The following ACOT7 variants were observed in gnomAD, a reference collection of about 807,000 sequenced individuals.
ACOT7 encodes the protein cytosolic acyl coenzyme A thioester hydrolase.
In ACOT7, 12 loss-of-function variants were observed where a neutral mutation model predicts 40.2. That is an observed-to-expected ratio of 0.30 (90% CI 0.19 to 0.48). The LOEUF is 0.48. ACOT7 is among the 20% of genes least tolerant of loss of function. ACOT7 has a pLI of 0.99. For missense variants in ACOT7, 395 were observed against 530.8 expected, an observed-to-expected ratio of 0.74 and a Z score of 2.51; for synonymous variants, 228 against 219.5, an observed-to-expected ratio of 1.04 and a Z score of -0.34.
At chr1:6,271,182 C>T (rs113876955) in intron 8 of ACOT7, among the ~76,000 whole-genome samples, 2,017 of 152,288 alleles carry the variant, frequency 0.013, 44 homozygotes, top group African/African-American at 0.046. Context: ...AAATGTTTTC[C>T]ACTTTGCATT....
At chr1:6,370,149 C>A (rs1474898632) in intron 1 of ACOT7, among the ~76,000 whole-genome samples, 2 of 152,120 alleles carry the variant, frequency 1.3e-5, no homozygotes, top group East Asian at 1.9e-4. Context: ...AGGAGCCTGG[C>A]ACCTCCCTTC....
chr1:6,301,805 G>A lies in ACOT7; in HGVS notation c.713-6825C>T, dbSNP rs7528683. On this transcript the variant is annotated intron_variant, in intron 6 of 8. Transcript: ENST00000361521. This position sits in a 1 kb window ranked among gnomAD's most constrained non-coding sequence, Gnocchi z 4.1. ...CCAAAGCCAGGTGAGCTTGATGACC[G>A]GCCAAAAAACCAAGCCCACACTCAA... 0.087 allele frequency among the ~76,000 whole-genome samples: 13,304 copies of A among 152,160 alleles called. 613 individuals are homozygous for A. Among genetic ancestry groups the A allele is most frequent in the African/African-American group, 0.11 (4,366 of 41,508 alleles).
chr1:6,381,998 C>T (rs1340968706), intron 1 of ACOT7, among the ~76,000 whole-genome samples: 2 of 151,376 alleles, frequency 1.3e-5, no homozygotes, highest in Non-Finnish European at 2.9e-5. Flanking sequence ...ATTAGCTGGG[C>T]GTGATGGTGG....
chr1:6,347,479 C>G (rs1641462498), intron 2 of ACOT7, among the ~76,000 whole-genome samples: 2 of 152,314 alleles, frequency 1.3e-5, no homozygotes, highest in Non-Finnish European at 2.9e-5. Context: ...AAAATAACAA[C>G]AGCAGCTGGG....
intron 5 of ACOT7, among the ~76,000 whole-genome samples, chr1:6,326,714 T>C (rs1640806341): frequency 6.6e-6 from 1 of 151,926 alleles, no homozygotes; most frequent in South Asian, 2.1e-4. Flanking sequence ...TCACTTGAGG[T>C]CAGGAGTTAG....
At chr1:6,350,642 G>A (rs1390235986) in intron 1 of ACOT7, among the ~76,000 whole-genome samples, 2 of 152,258 alleles carry the variant, frequency 1.3e-5, no homozygotes, top group East Asian at 1.9e-4. Context: ...GATGAAAGCC[G>A]CCTTCACAGG....
Position 6,333,473 on chromosome 1 carries a change from T to C in ACOT7, c.510+4A>G, listed in dbSNP as rs774769836. 6 of 1,614,136 alleles carry C rather than the reference T, an allele frequency of 3.7e-6. No individual in the cohort carries two copies. Among genetic ancestry groups the C allele is most frequent in the Non-Finnish European group, 5.1e-6 (6 of 1,179,994 alleles). The stretch of plus-strand genomic sequence containing the variant: ...CCAAGAGAGAAGTAGAAAGGGCACC[T>C]TACCACAACAGGAGGCACCTCGAGG... On this transcript the variant is annotated splice_donor_region_variant and intron_variant, in intron 4 of 8. Coordinates refer to ENST00000361521, the MANE Select transcript of ACOT7 (RefSeq NM_007274.4).
intron 3 of ACOT7, among the ~76,000 whole-genome samples, chr1:6,337,605 C>T (rs1571320742): frequency 6.6e-6 from 1 of 152,170 alleles, no homozygotes; most frequent in Non-Finnish European, 1.5e-5. Flanking sequence ...TCACTCTCTG[C>T]TGTGGGGACA....
intron 8 of ACOT7, among the ~76,000 whole-genome samples, chr1:6,268,837 G>A (rs1638932670): frequency 1.3e-5 from 2 of 152,212 alleles, no homozygotes; most frequent in African/African-American, 4.8e-5. Flanking sequence ...AGTGGAATAG[G>A]AGTAACTTCC....
chr1:6,326,332 A>T (rs1640798061), intron 5 of ACOT7, among the ~76,000 whole-genome samples: 1 of 152,190 alleles, frequency 6.6e-6, no homozygotes, highest in Admixed American at 6.5e-5. Context: ...AATTGTTTCT[A>T]GGAACGCGGG....
intron 7 of ACOT7, among the ~76,000 whole-genome samples, chr1:6,293,665 T>C (rs1035606403): frequency 6.6e-6 from 1 of 152,224 alleles, no homozygotes; most frequent in Non-Finnish European, 1.5e-5. Flanking sequence ...TGCACCACTG[T>C]ACTCCGGCCT....
intron 7 of ACOT7, among the ~76,000 whole-genome samples, chr1:6,284,900 T>C (rs929035568): frequency 6.6e-6 from 1 of 152,212 alleles, no homozygotes; most frequent in African/African-American, 2.4e-5. Context: ...TACAGCTATC[T>C]GGTTCATCTT....
At chr1:6,284,466 C>T (rs1475021895) in intron 7 of ACOT7, among the ~76,000 whole-genome samples, 1 of 149,772 alleles carries the variant, frequency 6.7e-6, no homozygotes. Flanking sequence ...ATCCCAGCTA[C>T]TTGGGAGGCT....
intron 8 of ACOT7, among the ~76,000 whole-genome samples, chr1:6,267,102 T>C (rs1638873448): frequency 6.6e-6 from 1 of 151,816 alleles, no homozygotes; most frequent in Non-Finnish European, 1.5e-5. Context: ...AAAGAATCCT[T>C]GAAAGCAGGA....
At chr1:6,292,889 CTTTTTTT>C (rs973103642) in intron 7 of ACOT7, among the ~76,000 whole-genome samples, 9 of 125,102 alleles carry the variant, frequency 7.2e-5, no homozygotes, top group Non-Finnish European at 1.5e-4. Context: ...ATTTCTTTTT[CTTTTTTT>C]TTTTTTTTTT....
At chr1:6,315,921 A>G (rs967907737) in intron 6 of ACOT7, among the ~76,000 whole-genome samples, 1 of 152,110 alleles carries the variant, frequency 6.6e-6, no homozygotes, top group Non-Finnish European at 1.5e-5. Context: ...AGCAGCTTAG[A>G]CACCGTAAAT....
At chr1:6,318,228 A>T (rs919725099) in intron 6 of ACOT7, among the ~76,000 whole-genome samples, 16 of 151,044 alleles carry the variant, frequency 1.1e-4, no homozygotes, top group Non-Finnish European at 2.2e-4. Flanking sequence ...CTTATTATTT[A>T]TTTTTTTGTA....
At chr1:6,356,451 C>T (rs1018949946) in intron 1 of ACOT7, among the ~76,000 whole-genome samples, 1 of 152,168 alleles carries the variant, frequency 6.6e-6, no homozygotes, top group African/African-American at 2.4e-5. Context: ...CAGCCCCGCT[C>T]AGCACCCTCA....
intron 3 of ACOT7, among the ~76,000 whole-genome samples, chr1:6,333,789 CAGA>C (rs1378460653): frequency 1.0e-4 from 14 of 136,170 alleles, no homozygotes; most frequent in African/African-American, 3.8e-4. Flanking sequence ...TGTGGACAAA[CAGA>C]ACAAGAGACC....
Sources: gnomAD v4.1 joint callset for allele counts (sites outside exome capture counted in the v4.1 genomes callset) on GRCh38, gnomAD v4.1.1 for gene constraint, Gnocchi (gnomAD v3.1) non-coding constraint, MANE v1.5 for transcripts, NCBI Gene and HGNC (gene_info 2026-07-23, HGNC 2026-07-21) for gene names.